FBXW10B: variants seen among roughly 807,000 people sequenced by gnomAD.
FBXW10B encodes F-box and WD repeat domain containing 10B.
the FBXW10B span, among the ~76,000 whole-genome samples, chr17:15,586,348 A>G: frequency 6.6e-6 from 1 of 151,490 alleles, no homozygotes; most frequent in South Asian, 2.1e-4. Flanking sequence ...TGATTTCACT[A>G]TTCTTCCATC....
At chr17:15,574,904 CCT>C in the FBXW10B span, among the ~76,000 whole-genome samples, 1 of 151,420 alleles carries the variant, frequency 6.6e-6, no homozygotes, top group South Asian at 2.1e-4. Context: ...GTTTCTGACA[CCT>C]CTGAGCCCAT....
At chr17:15,569,997 C>T in the FBXW10B span, among the ~76,000 whole-genome samples, 6 of 152,134 alleles carry the variant, frequency 3.9e-5, no homozygotes, top group Admixed American at 2.0e-4. Context: ...TCTTGTCACA[C>T]GAACAGTTTT....
the FBXW10B span, among the ~76,000 whole-genome samples, chr17:15,610,807 T>A: frequency 6.6e-6 from 1 of 152,152 alleles, no homozygotes; most frequent in Non-Finnish European, 1.5e-5. Flanking sequence ...ACTGACTGTA[T>A]CACCCAAGGA....
the FBXW10B span, chr17:15,588,883 T>G: frequency 1.2e-6 from 2 of 1,614,084 alleles, no homozygotes; most frequent in African/African-American, 2.7e-5. Context: ...TGCCACTTGT[T>G]GTGCTGTTCC....
At chr17:15,573,645 T>A in the FBXW10B span, 1 of 155,466 alleles carries the variant, frequency 6.4e-6, no homozygotes, top group Non-Finnish European at 1.4e-5. Flanking sequence ...TGAAAATGCA[T>A]CTGGTCCTAA....
chr17:15,567,136 G>A, the FBXW10B span, among the ~76,000 whole-genome samples: 2 of 151,750 alleles, frequency 1.3e-5, no homozygotes, highest in Non-Finnish European at 2.9e-5. Flanking sequence ...GCCGGGCGTG[G>A]TGGCAGGCGC....
the FBXW10B span, chr17:15,613,572 A>T: frequency 6.7e-7 from 1 of 1,484,580 alleles, no homozygotes. Flanking sequence ...CACGAAAATG[A>T]AGCTGGTCTC....
the FBXW10B span, among the ~76,000 whole-genome samples, chr17:15,579,748 G>C: frequency 6.6e-6 from 1 of 152,216 alleles, no homozygotes; most frequent in Non-Finnish European, 1.5e-5. Flanking sequence ...ATTTTTCCAG[G>C]AAGTTATTTA....
chr17:15,597,631 C>CA, the FBXW10B span, among the ~76,000 whole-genome samples: 3,879 of 149,802 alleles, frequency 0.026, 165 homozygotes, highest in African/African-American at 0.089. Flanking sequence ...GACTCCATCT[C>CA]AAAAAAAAAT....
At chr17:15,581,003 G>A in the FBXW10B span, among the ~76,000 whole-genome samples, 3 of 152,200 alleles carry the variant, frequency 2.0e-5, no homozygotes, top group East Asian at 3.9e-4. Flanking sequence ...AAGATCACAC[G>A]GCTAAACAAG....
At chr17:15,596,005 A>G in the FBXW10B span, among the ~76,000 whole-genome samples, 1 of 150,090 alleles carries the variant, frequency 6.7e-6, no homozygotes, top group African/African-American at 2.5e-5. Context: ...CAGCCTCCCA[A>G]GTAGCTGAGG....
At chr17:15,587,287 G>C in the FBXW10B span, among the ~76,000 whole-genome samples, 1 of 151,428 alleles carries the variant, frequency 6.6e-6, no homozygotes, top group Non-Finnish European at 1.5e-5. Context: ...CCAGGAACAG[G>C]TGGGTGGAAA....
At chr17:15,594,060 C>T in the FBXW10B span, among the ~76,000 whole-genome samples, 1 of 152,156 alleles carries the variant, frequency 6.6e-6, no homozygotes, top group Admixed American at 6.5e-5. Flanking sequence ...GCTGATGTCA[C>T]AATCTTTTTT....
chr17:15,616,414 C>T, the FBXW10B span, among the ~76,000 whole-genome samples: 1 of 151,838 alleles, frequency 6.6e-6, no homozygotes, highest in Non-Finnish European at 1.5e-5. Flanking sequence ...AGGTGATCCA[C>T]CCGCCTCGGC....
At chr17:15,581,463 G>A in the FBXW10B span, among the ~76,000 whole-genome samples, 2 of 152,092 alleles carry the variant, frequency 1.3e-5, no homozygotes, top group Non-Finnish European at 2.9e-5. Flanking sequence ...GTAGCTGTAT[G>A]ATTAAATTAA....
chr17:15,575,680 C>T, the FBXW10B span, among the ~76,000 whole-genome samples: 2 of 149,842 alleles, frequency 1.3e-5, no homozygotes, highest in Non-Finnish European at 2.9e-5. Flanking sequence ...AGCTGAGTTC[C>T]CTGTCCCAAT....
the FBXW10B span, chr17:15,615,702 G>A: frequency 6.2e-7 from 1 of 1,613,850 alleles, no homozygotes; most frequent in Admixed American, 1.7e-5. Flanking sequence ...GACAAAGGAA[G>A]GGATGTGTGC....
chr17:15,589,528 C>T, the FBXW10B span, among the ~76,000 whole-genome samples: 1 of 151,304 alleles, frequency 6.6e-6, no homozygotes, highest in African/African-American at 2.5e-5. Flanking sequence ...AGATTATTTT[C>T]ATTAGTTTCT....
chr17:15,612,430 C>T, the FBXW10B span, among the ~76,000 whole-genome samples: 2 of 152,070 alleles, frequency 1.3e-5, no homozygotes, highest in African/African-American at 2.4e-5. Flanking sequence ...AGGAGAATGG[C>T]GTGAACCCGG....
Sources: gnomAD v4.1 joint callset for allele counts (sites outside exome capture counted in the v4.1 genomes callset) on GRCh38, gnomAD v4.1.1 for gene constraint, MANE v1.5 for transcripts, NCBI Gene and HGNC (gene_info 2026-07-23, HGNC 2026-07-21) for gene names.